Variants in CYTH4 observed in about 807,000 individuals in gnomAD.
CYTH4 encodes the protein cytohesin 4, also known as cytohesin-4.
A neutral mutation model predicts 57.5 loss-of-function variants in CYTH4; 22 were observed. That is an observed-to-expected ratio of 0.38 (90% CI 0.27 to 0.55). CYTH4 has a LOEUF of 0.55. Ranked by LOEUF, CYTH4 falls within the 20% of genes least tolerant of loss-of-function variation. The pLI is 0.74. For missense variants in CYTH4, 420 were observed against 535.6 expected, an observed-to-expected ratio of 0.78 and a Z score of 2.13; for synonymous variants, 186 against 206.5, an observed-to-expected ratio of 0.90 and a Z score of 0.85.
chr22:37,309,168 G>T (rs9619670), intron 8 of CYTH4, 44 bp from the exon 9 acceptor site: 1 of 1,589,764 alleles, frequency 6.3e-7, no homozygotes, highest in Non-Finnish European at 8.6e-7. Flanking sequence ...CTTGGACTCG[G>T]GTGGACTCAC....
At chr22:37,286,267 CA>C (rs1928558132) in intron 1 of CYTH4, among the ~76,000 whole-genome samples, 1 of 152,208 alleles carries the variant, frequency 6.6e-6, no homozygotes, top group African/African-American at 2.4e-5. Flanking sequence ...CTCCGAGCCC[CA>C]GATGGACCCA....
Position 37,314,357 on chromosome 22 carries a change from G to A in CYTH4, c.*846G>A, listed in dbSNP as rs1929775339. 2 of 398,584 alleles carry A rather than the reference G, an allele frequency of 5.0e-6. No homozygotes were observed. The highest frequency in any genetic ancestry group is 8.8e-6 in the Non-Finnish European group (2 of 226,136). The allele number at this position is 398,584 out of a possible 1,614,324, so 24.7% of individuals were successfully genotyped here. The stretch of plus-strand genomic sequence containing the variant: ...TCCATTTCGGGGAGAGGAGCAGGTG[G>A]GACCCTCAAGAAAATGACGGAGAAC... On this transcript the variant is annotated 3_prime_UTR_variant, in exon 13 of 13. Transcript: ENST00000248901.
chr22:37,313,362 C>T, intron 12 of CYTH4, 77 bp from the exon 13 acceptor site: 4 of 1,433,400 alleles, frequency 2.8e-6, no homozygotes, highest in South Asian at 1.2e-5. Context: ...ATCCCATGCC[C>T]CTGATACAAG....
At chr22:37,291,663 G>A (rs943599703) in intron 1 of CYTH4, among the ~76,000 whole-genome samples, 1 of 152,154 alleles carries the variant, frequency 6.6e-6, no homozygotes, top group African/African-American at 2.4e-5. Flanking sequence ...CAAGGCTGGA[G>A]AGGTTGTGGA....
intron 12 of CYTH4, among the ~76,000 whole-genome samples, chr22:37,312,862 A>G (rs1372707599): frequency 6.6e-6 from 1 of 152,272 alleles, no homozygotes; most frequent in East Asian, 1.9e-4. Context: ...ACTCTGAGCC[A>G]GCCCAAGATA....
chr22:37,306,397 T>C (rs1055796069), intron 8 of CYTH4, among the ~76,000 whole-genome samples: 6 of 152,246 alleles, frequency 3.9e-5, no homozygotes, highest in African/African-American at 1.2e-4. Context: ...CTAAGTACTT[T>C]ACGTTATTAA....
At chr22:37,286,363 G>A (rs1928561931) in intron 1 of CYTH4, among the ~76,000 whole-genome samples, 1 of 152,190 alleles carries the variant, frequency 6.6e-6, no homozygotes, top group Admixed American at 6.5e-5. Context: ...GGCCTCACCT[G>A]TAGGATGAGC....
chr22:37,301,605 A>G (rs1193485705), intron 7 of CYTH4, among the ~76,000 whole-genome samples: 1 of 151,660 alleles, frequency 6.6e-6, no homozygotes, highest in Non-Finnish European at 1.5e-5. Context: ...TCTAGTTGTC[A>G]TAACAACAAT....
At chr22:37,291,183 A>G (rs751942712) in intron 1 of CYTH4, among the ~76,000 whole-genome samples, 11 of 152,202 alleles carry the variant, frequency 7.2e-5, no homozygotes, top group Non-Finnish European at 1.5e-4. Flanking sequence ...CAACCGAAAC[A>G]TTCTCAAAAC....
In CYTH4 at chr22:37,311,034, C is replaced by T. The variant is rs370247166; in HGVS notation, c.855C>T (p.Asp285=). 2.5e-6 allele frequency: 4 copies of T among 1,614,108 alleles called. No homozygotes were observed. The African/African-American group carries it at 5.3e-5, about 22-fold the overall frequency. The change falls in exon 10 of 13, where the codon GAC becomes GAT. Residue 285 remains aspartate, a synonymous_variant. Coordinates refer to ENST00000248901, the MANE Select transcript of CYTH4 (RefSeq NM_013385.5). The surrounding 1 kb of genome is among the most constrained non-coding windows in gnomAD (Gnocchi z 4.4). The part of the protein sequence containing the change: ...TWKRRWFILT[D]NCLYYFEFTT... ...AACGGCGCTGGTTCATCCTGACCGA[C>T]AACTGCCTCTACTACTTCGAGTTCA...
rs35788749 is a variant in CYTH4 at position 37,288,583 on chromosome 22, C to CAA, written c.20-4026_20-4025dup. ...CCTGGGTGACAGAGCAAGACTGTCT[C>CAA]AAAAAAAAAAAAAGGAAACTCCAGA... is the stretch of plus-strand genomic sequence containing the variant. On this transcript the variant is annotated intron_variant, in intron 1 of 12. Transcript: ENST00000248901. 3.7e-3 allele frequency among the ~76,000 whole-genome samples: 528 copies of CAA among 141,732 alleles called. 3 individuals are homozygous for CAA. Among genetic ancestry groups the CAA allele is most frequent in the South Asian group, 0.01 (45 of 4,494 alleles). 93.0% of individuals were successfully genotyped at this position (141,732 alleles called of 152,430 possible).
chr22:37,314,697 T>G lies in CYTH4; in HGVS notation c.*1186T>G. Reference sequence around the variant, plus strand: ...GCTCTGTCTCCAGGGAGGCCTGGCCTGGAGGAGGAGTCCACTAACAGGAAA... The same window carrying G: ...GCTCTGTCTCCAGGGAGGCCTGGCCGGGAGGAGGAGTCCACTAACAGGAAA... On this transcript the variant is annotated 3_prime_UTR_variant, in exon 13 of 13. Transcript: ENST00000248901. The G allele has an allele frequency of 2.9e-6, 1 of 340,094 alleles. No individual in the cohort carries two copies. The highest frequency in any genetic ancestry group is 1.5e-4 in the South Asian group (1 of 6,506). The allele number at this position is 340,094 out of a possible 1,614,324, so 21.1% of individuals were successfully genotyped here. A position where few individuals can be genotyped will look rare whatever the true frequency, so the allele number is the denominator to read the frequency against.
intron 7 of CYTH4, among the ~76,000 whole-genome samples, chr22:37,301,644 A>T (rs1213165884): frequency 7.2e-6 from 1 of 138,880 alleles, no homozygotes; most frequent in Non-Finnish European, 1.5e-5. Context: ...AGTAATCCCT[A>T]TGCGCTGAGT....
At chr22:37,296,253 C>A in intron 4 of CYTH4, 188 bp downstream of exon 4, 1 of 630,438 alleles carries the variant, frequency 1.6e-6, no homozygotes, top group Non-Finnish European at 2.7e-6. Flanking sequence ...TACTCCCAGG[C>A]ATACACGCCT....
chr22:37,300,829 T>C, intron 6 of CYTH4, 78 bp from the exon 7 acceptor site: 1 of 1,181,632 alleles, frequency 8.5e-7, no homozygotes, highest in Non-Finnish European at 1.2e-6. Flanking sequence ...AGACTAAACC[T>C]GGGAGAGGCA....
intron 1 of CYTH4, among the ~76,000 whole-genome samples, chr22:37,290,116 T>C (rs1928698978): frequency 6.6e-6 from 1 of 152,020 alleles, no homozygotes; most frequent in African/African-American, 2.4e-5. Context: ...CAATTCTACA[T>C]CTGTAGGCCA....
chr22:37,293,978 C>T (rs932961147), intron 2 of CYTH4, among the ~76,000 whole-genome samples: 4 of 151,518 alleles, frequency 2.6e-5, no homozygotes, highest in Non-Finnish European at 5.9e-5. Flanking sequence ...CGTGGTGTCC[C>T]CGTAGTACCT....
rs567728312 is a variant in CYTH4 at position 37,296,037 on chromosome 22, G to T, written c.206G>T (p.Arg69Leu). 3 of 1,613,096 alleles carry T rather than the reference G, an allele frequency of 1.9e-6. No homozygotes were observed. Among genetic ancestry groups the T allele is most frequent in the Non-Finnish European group, 2.5e-6 (3 of 1,179,488 alleles). Residue 69 changes from arginine (R) to leucine (L), a missense_variant, in exon 4 of 13, where the codon CGC becomes CTC. Coordinates refer to ENST00000248901, the MANE Select transcript of CYTH4 (RefSeq NM_013385.5). The stretch of plus-strand genomic sequence containing the variant: ...AAGGAGAAGGAGCTGTGTATTGGGC[G>T]CAAGAAGTTCAACATGGACCCCGCC... ...AQKEKELCIG[R>L]KKFNMDPAKG...
chr22:37,314,429 A>G lies in CYTH4; in HGVS notation c.*918A>G, dbSNP rs1294277860. ...AGCAGGATGGGTGCTATATCCAAGA[A>G]GCCAAGAAGGGAGAGTTTCGTGCAC... On this transcript the variant is annotated 3_prime_UTR_variant, in exon 13 of 13. Transcript: ENST00000248901. 7.5e-6 allele frequency: 3 copies of G among 398,626 alleles called. No individual in the cohort carries two copies. The highest frequency in any genetic ancestry group is 8.8e-6 in the Non-Finnish European group (2 of 226,134). The allele number at this position is 398,626 out of a possible 1,614,324, so 24.7% of individuals were successfully genotyped here.
Sources: gnomAD v4.1 joint callset for allele counts (sites outside exome capture counted in the v4.1 genomes callset) on GRCh38, gnomAD v4.1.1 for gene constraint, Gnocchi (gnomAD v3.1) non-coding constraint, MANE v1.5 for transcripts, NCBI Gene and HGNC (gene_info 2026-07-23, HGNC 2026-07-21) for gene names.